ACAD10: variants seen among roughly 807,000 people sequenced by gnomAD.
ACAD10 encodes ACAD-10.
ACAD10 carries 112 observed loss-of-function variants against 116.8 expected under a neutral mutation model. That is an observed-to-expected ratio of 0.96 (90% CI 0.82 to 1.12). The LOEUF is 1.12. Among genes scored for constraint, ACAD10 ranks in the 50% most tolerant of loss-of-function variants. The pLI is 0.00. For missense variants in ACAD10, 1,259 were observed against 1,350.2 expected (o/e 0.93, Z 1.06); for synonymous variants, 486 against 510.6 (o/e 0.95, Z 0.65).
chr12:111,696,389 G>T (rs1233629840), intron 2 of ACAD10, among the ~76,000 whole-genome samples: 1 of 152,150 alleles, frequency 6.6e-6, no homozygotes, highest in African/African-American at 2.4e-5. Context: ...AGCCAAGAAT[G>T]ACTTTTATGT....
chr12:111,723,754 G>T (rs1296461359), intron 8 of ACAD10, among the ~76,000 whole-genome samples: 1 of 150,852 alleles, frequency 6.6e-6, no homozygotes, highest in East Asian at 2.0e-4. Flanking sequence ...CCCAGATGGG[G>T]TGGCTGCCGG....
At chr12:111,705,649 C>A in intron 3 of ACAD10, 89 bp from the exon 4 acceptor site, 1 of 1,271,704 alleles carries the variant, frequency 7.9e-7, no homozygotes, top group South Asian at 1.4e-5. Flanking sequence ...CAGAAGGACG[C>A]CAGGAATAAG....
At chr12:111,741,830 C>T (rs370438616) in intron 12 of ACAD10, among the ~76,000 whole-genome samples, 93 of 152,242 alleles carry the variant, frequency 6.1e-4, no homozygotes, top group African/African-American at 2.2e-3. Context: ...TTGGTACTGG[C>T]CAGGAAAACT....
chr12:111,701,925 A>G (rs1258130276), intron 2 of ACAD10, among the ~76,000 whole-genome samples: 1 of 152,168 alleles, frequency 6.6e-6, no homozygotes, highest in Non-Finnish European at 1.5e-5. Flanking sequence ...CTCTCAAGCA[A>G]CCACTGAGGA....
chr12:111,750,735 A>C (rs2135993486), intron 18 of ACAD10, among the ~76,000 whole-genome samples: 1 of 152,242 alleles, frequency 6.6e-6, no homozygotes, highest in Non-Finnish European at 1.5e-5. Flanking sequence ...ACCACCCCCA[A>C]AGTTTGGAAA....
rs1566166319 is a variant in ACAD10, at chr12:111,744,828, AGGAGT to A, written c.1901_1905del (p.Arg634IlefsTer2). On this transcript the variant is annotated frameshift_variant, in exon 13 of 21. Coordinates refer to ENST00000313698, the MANE Select transcript of ACAD10 (RefSeq NM_025247.6). LOFTEE classifies it high-confidence loss of function. ...GTCCCAGTGGTGCCCCACAGGCAGC[AGGAGT>A]TATAGCTCCGTTCCAGAAGCTTCCC... 2 of 1,614,230 alleles carry A rather than the reference AGGAGT, an allele frequency of 1.2e-6. No individual in the cohort carries two copies. The highest frequency in any genetic ancestry group is 3.3e-5 in the Admixed American group (2 of 60,026).
At chr12:111,745,101 C>T (rs372662804) in intron 13 of ACAD10, 58 bp downstream of exon 13, 1 of 1,539,588 alleles carries the variant, frequency 6.5e-7, no homozygotes, top group Non-Finnish European at 8.7e-7. Context: ...CCTCCCCGAC[C>T]CCACCGGGCT....
intron 2 of ACAD10, among the ~76,000 whole-genome samples, chr12:111,700,748 CTTTTT>C (rs750378233): frequency 3.3e-5 from 3 of 89,912 alleles, no homozygotes; most frequent in Non-Finnish European, 6.7e-5. Context: ...CCTTCCTCTT[CTTTTT>C]TTTTTTTTTT....
At chr12:111,728,273 G>A (rs779205709) in intron 9 of ACAD10, 130 bp downstream of exon 9, 65 of 917,978 alleles carry the variant, frequency 7.1e-5, no homozygotes, top group Non-Finnish European at 8.8e-5. Context: ...CTTCTTCCTT[G>A]GAAATCCAGT....
chr12:111,727,833 C>T (rs1427911991), intron 8 of ACAD10, 129 bp from the exon 9 acceptor site: 1 of 882,442 alleles, frequency 1.1e-6, no homozygotes, highest in Non-Finnish European at 1.8e-6. Flanking sequence ...GTATCCAGTG[C>T]TCTGGGTCTG....
At chr12:111,733,768 G>A in intron 10 of ACAD10, 155 bp from the exon 11 acceptor site, 2 of 799,958 alleles carry the variant, frequency 2.5e-6, no homozygotes, top group Middle Eastern at 3.7e-4. Context: ...GGGCAAGGGA[G>A]CCTTTGGAGC....
chr12:111,688,409 A>G (rs1477853535), intron 1 of ACAD10, among the ~76,000 whole-genome samples: 1 of 152,150 alleles, frequency 6.6e-6, no homozygotes, highest in Non-Finnish European at 1.5e-5. Context: ...AGATGCCAAA[A>G]TCTGTGGATG....
At chr12:111,751,775 G>T (rs1039580595) in intron 18 of ACAD10, among the ~76,000 whole-genome samples, 1 of 151,378 alleles carries the variant, frequency 6.6e-6, no homozygotes, top group Non-Finnish European at 1.5e-5. Context: ...GTAGCCAGGT[G>T]GGGCTGGGTG....
chr12:111,697,362 C>CTT (rs1160985539), intron 2 of ACAD10, among the ~76,000 whole-genome samples: 8 of 135,346 alleles, frequency 5.9e-5, no homozygotes, highest in Non-Finnish European at 1.1e-4. Context: ...TTTTCTTTTC[C>CTT]TTTTTTTTTT....
intron 17 of ACAD10, 131 bp downstream of exon 17, chr12:111,748,606 A>T (rs1428302469): frequency 1.0e-6 from 1 of 955,682 alleles, no homozygotes; most frequent in Non-Finnish European, 1.6e-6. Context: ...TTGGAGTCAC[A>T]TGCTCCTGCA....
intron 10 of ACAD10, 52 bp downstream of exon 10, chr12:111,730,008 G>T: frequency 6.3e-7 from 1 of 1,583,666 alleles, no homozygotes; most frequent in African/African-American, 1.3e-5. Context: ...ATGCTCCAAG[G>T]GGGAATTGAG....
intron 8 of ACAD10, among the ~76,000 whole-genome samples, chr12:111,724,763 C>A (rs866399606): frequency 6.6e-6 from 1 of 151,168 alleles, no homozygotes; most frequent in Non-Finnish European, 1.5e-5. Flanking sequence ...AGCTTCGGCT[C>A]GGCATGAGAG....
chr12:111,744,599 G>A (rs1889834890), intron 12 of ACAD10, 44 bp from the exon 13 acceptor site: 2 of 1,574,134 alleles, frequency 1.3e-6, no homozygotes, highest in Non-Finnish European at 8.6e-7. Flanking sequence ...TCCCTATGAT[G>A]GGTCGTGTGG....
chr12:111,698,374 A>G lies in ACAD10; in HGVS notation c.188-3788A>G, dbSNP rs1248881218. 2.1e-5 allele frequency among the ~76,000 whole-genome samples: 3 copies of G among 144,890 alleles called. No homozygotes were observed. The East Asian group carries it at 6.1e-4, about 30-fold the overall frequency. ...GGCTGGTCTCGAACTCCTAGTCTAA[A>G]GTGATTCTCCCGCCTCCTGAGTAGT... On this transcript the variant is annotated intron_variant, in intron 2 of 20. Transcript: ENST00000313698.
Sources: gnomAD v4.1 joint callset for allele counts (sites outside exome capture counted in the v4.1 genomes callset) on GRCh38, gnomAD v4.1.1 for gene constraint, MANE v1.5 for transcripts, NCBI Gene and HGNC (gene_info 2026-07-23, HGNC 2026-07-21) for gene names.